The following ZNRF3 variants were observed in gnomAD, a reference collection of about 807,000 sequenced individuals.
ZNRF3 encodes zinc and ring finger 3.
In ZNRF3, 23 loss-of-function variants were observed where a neutral mutation model predicts 72.5. The observed-to-expected ratio is 0.32, with a 90% confidence interval of 0.23 to 0.45. The LOEUF (loss-of-function observed/expected upper bound fraction) is 0.45, where lower values mean the gene tolerates loss of function less well. Among genes scored for constraint, ZNRF3 ranks in the 20% least tolerant of loss-of-function variants. The pLI, the probability that ZNRF3 is intolerant of heterozygous loss-of-function variation, is 1.00. For synonymous variants in ZNRF3, 610 were observed against 545.3 expected (o/e 1.12, Z -1.65); for missense variants, 1,169 against 1,272.1 (o/e 0.92, Z 1.23).
chr22:28,906,696 A>C (rs2034214237), intron 1 of ZNRF3, among the ~76,000 whole-genome samples: 1 of 152,228 alleles, frequency 6.6e-6, no homozygotes, highest in Non-Finnish European at 1.5e-5. Flanking sequence ...AGCATCAGGT[A>C]AACCACCTAT....
intron 1 of ZNRF3, among the ~76,000 whole-genome samples, chr22:28,929,336 A>G (rs1394795020): frequency 6.6e-6 from 1 of 152,170 alleles, no homozygotes; most frequent in Non-Finnish European, 1.5e-5. Flanking sequence ...GCCATTTGGA[A>G]CTGGATAATT....
intron 1 of ZNRF3, chr22:28,986,607 TAGAGTCCGGGATGTG>T: frequency 1.0e-6 from 1 of 985,406 alleles, no homozygotes; most frequent in South Asian, 4.7e-5. Flanking sequence ...GGTCTCTGCA[TAGAGTCCGGGATGTG>T]TTTCCAGATC....
intron 1 of ZNRF3, among the ~76,000 whole-genome samples, chr22:28,957,564 C>G (rs918983233): frequency 8.5e-5 from 13 of 152,094 alleles, no homozygotes; most frequent in Non-Finnish European, 4.4e-5. Context: ...CCCAGCCTCC[C>G]AAGTAGCTGG....
chr22:28,899,437 C>T (rs1466002638), intron 1 of ZNRF3, among the ~76,000 whole-genome samples: 1 of 152,174 alleles, frequency 6.6e-6, no homozygotes, highest in Non-Finnish European at 1.5e-5. Context: ...AGAGTTGGCA[C>T]ACGTCTCAGC....
intron 2 of ZNRF3, among the ~76,000 whole-genome samples, chr22:29,032,497 A>G (rs2036782050): frequency 6.6e-6 from 1 of 152,248 alleles, no homozygotes; most frequent in Non-Finnish European, 1.5e-5. Flanking sequence ...AAAGGCTGTC[A>G]GGAAATGCAA....
chr22:28,985,007 G>A (rs7290686), intron 1 of ZNRF3, among the ~76,000 whole-genome samples: 37,292 of 152,040 alleles, frequency 0.25, 5,755 homozygotes, highest in Middle Eastern at 0.39. Context: ...GCTGCTGGCC[G>A]CCCTGTGCTC....
chr22:28,976,811 A>C (rs1273829836), intron 1 of ZNRF3, among the ~76,000 whole-genome samples: 6 of 152,190 alleles, frequency 3.9e-5, no homozygotes, highest in Admixed American at 3.9e-4. Context: ...TTTAGAATTA[A>C]TTTAGCTTAA....
chr22:28,954,237 A>G (rs1362201518), intron 1 of ZNRF3, among the ~76,000 whole-genome samples: 1 of 152,172 alleles, frequency 6.6e-6, no homozygotes, highest in Non-Finnish European at 1.5e-5. Flanking sequence ...TAGGTGCTGG[A>G]AGTCTGAGAT....
At chr22:28,938,488 A>G (rs968141631) in intron 1 of ZNRF3, among the ~76,000 whole-genome samples, 1 of 152,192 alleles carries the variant, frequency 6.6e-6, no homozygotes, top group Non-Finnish European at 1.5e-5. Flanking sequence ...TAACCTAGTT[A>G]TCAAAACAGT....
chr22:28,957,298 T>C (rs1569260720), intron 1 of ZNRF3, among the ~76,000 whole-genome samples: 1 of 152,212 alleles, frequency 6.6e-6, no homozygotes, highest in African/African-American at 2.4e-5. Flanking sequence ...CACAGTTGGA[T>C]CCTTGGCCTC....
chr22:29,018,026 G>T (rs747826277), intron 2 of ZNRF3: 7 of 519,020 alleles, frequency 1.3e-5, no homozygotes, highest in South Asian at 9.8e-5. Flanking sequence ...TTTCAGAAAT[G>T]GGGGAACTGT....
chr22:29,032,093 C>T (rs2036771571), intron 2 of ZNRF3, among the ~76,000 whole-genome samples: 1 of 152,172 alleles, frequency 6.6e-6, no homozygotes, highest in Non-Finnish European at 1.5e-5. Flanking sequence ...TGGGGTTGGG[C>T]CGCTGTATGG....
chr22:28,951,910 C>T (rs192288065), intron 1 of ZNRF3, among the ~76,000 whole-genome samples: 3 of 152,352 alleles, frequency 2.0e-5, no homozygotes, highest in Non-Finnish European at 4.4e-5. Flanking sequence ...TACCTGCTCC[C>T]ATCCCGTTTG....
chr22:29,013,505 T>C (rs1391195792), intron 2 of ZNRF3, among the ~76,000 whole-genome samples: 1 of 152,202 alleles, frequency 6.6e-6, no homozygotes, highest in African/African-American at 2.4e-5. Flanking sequence ...TGTCTTTGAT[T>C]TTATTCCTTG....
intron 1 of ZNRF3, among the ~76,000 whole-genome samples, chr22:28,898,390 G>A (rs915767568): frequency 6.6e-6 from 1 of 152,198 alleles, no homozygotes; most frequent in Non-Finnish European, 1.5e-5. Context: ...TGTGCTTCCT[G>A]GAGGTCTGGA....
intron 1 of ZNRF3, among the ~76,000 whole-genome samples, chr22:28,948,863 AT>A (rs1454684480): frequency 6.6e-6 from 1 of 152,172 alleles, no homozygotes; most frequent in Non-Finnish European, 1.5e-5. Context: ...CTAATGAATG[AT>A]TTTGTATTAT....
intron 1 of ZNRF3, among the ~76,000 whole-genome samples, chr22:28,935,703 G>T (rs1320922542): frequency 6.6e-6 from 1 of 152,136 alleles, no homozygotes; most frequent in Non-Finnish European, 1.5e-5. Context: ...ACCCTTTATT[G>T]GCTGCAGAAA....
intron 8 of ZNRF3, 90 bp from the exon 9 acceptor site, chr22:29,053,489 A>G (rs2294239): frequency 0.42 from 539,292 of 1,288,702 alleles, 116,093 homozygotes; most frequent in Middle Eastern, 0.51. Context: ...GGCCTGCCAC[A>G]TGCTGGGGAC....
rs2037284440 is a variant in ZNRF3, at chr22:29,055,609, C to T, written c.*1987C>T. 1 of 152,232 alleles carries T rather than the reference C, an allele frequency of 6.6e-6. No homozygotes were observed. The highest frequency in any genetic ancestry group is 2.1e-4 in the South Asian group (1 of 4,828). 9.4% of individuals were successfully genotyped at this position (152,232 alleles called of 1,614,324 possible). A position where few individuals can be genotyped will look rare whatever the true frequency, so the allele number is the denominator to read the frequency against. ...TGCTCCTCGGACTGCGCCCCGCACA[C>T]CTGTTATCGAGGGTGTGAGAAGCGC... On this transcript the variant is annotated 3_prime_UTR_variant, in exon 9 of 9. Coordinates refer to ENST00000544604, the MANE Select transcript of ZNRF3 (RefSeq NM_001206998.2).
Sources: allele counts gnomAD v4.1 joint callset (sites outside exome capture counted in the v4.1 genomes callset), GRCh38; gene constraint gnomAD v4.1.1; transcripts MANE v1.5; gene names NCBI Gene and HGNC (gene_info 2026-07-23, HGNC 2026-07-21).